The following NDRG2 variants were observed in gnomAD, a reference collection of about 807,000 sequenced individuals.
NDRG2 encodes the protein protein NDRG2.
In NDRG2, 34 loss-of-function variants were observed where a neutral mutation model predicts 58.2. The observed-to-expected ratio is 0.58, with a 90% confidence interval of 0.44 to 0.78. The LOEUF is 0.78. Ranked by LOEUF, NDRG2 falls within the 30% of genes least tolerant of loss-of-function variation. NDRG2 has a pLI of 0.00. For missense variants in NDRG2, 434 were observed against 471.2 expected (o/e 0.92, Z 0.73); for synonymous variants, 187 against 175.9 (o/e 1.06, Z -0.50).
At chr14:21,033,037 G>A (rs1472880474) in intron 1 of NDRG2, 1 of 452,064 alleles carries the variant, frequency 2.2e-6, no homozygotes, top group Non-Finnish European at 4.4e-6. Context: ...GATTTGGGAG[G>A]AGCTTCTGGA....
intron 1 of NDRG2, among the ~76,000 whole-genome samples, chr14:21,040,602 C>A (rs945798848): frequency 2.0e-5 from 3 of 152,186 alleles, no homozygotes; most frequent in Non-Finnish European, 2.9e-5. Context: ...TCAAATGGTC[C>A]GTAAGTCTTC....
intron 1 of NDRG2, among the ~76,000 whole-genome samples, chr14:21,047,651 G>A (rs1885252705): frequency 6.6e-6 from 1 of 152,240 alleles, no homozygotes; most frequent in Non-Finnish European, 1.5e-5. Context: ...CTGGGAGCTT[G>A]GAGAGAGGAG....
intron 1 of NDRG2, chr14:21,033,815 G>A: frequency 1.9e-6 from 3 of 1,589,178 alleles, no homozygotes; most frequent in Non-Finnish European, 2.6e-6. Flanking sequence ...AGTGGCTCAG[G>A]AATTAAATTC....
intron 1 of NDRG2, among the ~76,000 whole-genome samples, chr14:21,038,236 A>G (rs1253462750): frequency 6.6e-6 from 1 of 152,234 alleles, no homozygotes; most frequent in Non-Finnish European, 1.5e-5. Context: ...ATTCAGGAGC[A>G]GACGGAATGC....
upstream of NDRG2, among the ~76,000 whole-genome samples, chr14:21,029,990 A>G (rs1005862430): frequency 3.3e-5 from 5 of 152,214 alleles, no homozygotes; most frequent in Non-Finnish European, 7.3e-5. Flanking sequence ...GGCAGAGCAT[A>G]AGGCAATTTG....
chr14:21,054,135 G>A (rs1885580455), intron 1 of NDRG2, among the ~76,000 whole-genome samples: 1 of 152,218 alleles, frequency 6.6e-6, no homozygotes, highest in Non-Finnish European at 1.5e-5. Flanking sequence ...CTGACACAGT[G>A]TACAGAGTGT....
chr14:21,065,958 G>T (rs945448384), intron 1 of NDRG2, among the ~76,000 whole-genome samples: 1 of 152,188 alleles, frequency 6.6e-6, no homozygotes, highest in East Asian at 1.9e-4. Context: ...AATTAGCTGG[G>T]TGTGGTGGTG....
At chr14:21,040,226 C>T (rs2139107532) in intron 1 of NDRG2, among the ~76,000 whole-genome samples, 1 of 152,298 alleles carries the variant, frequency 6.6e-6, no homozygotes, top group South Asian at 2.1e-4. Context: ...GAGGACAAAC[C>T]AGAAGAGCCA....
Position 21,070,461 on chromosome 14 carries a change from C to T in NDRG2, c.24+367G>A. On this transcript the variant is annotated intron_variant, in intron 1 of 14. Transcript: ENST00000403829. The surrounding 1 kb of genome is among the most constrained non-coding windows in gnomAD (Gnocchi z 4.7). ...CCTTCGCGCAGCCCGCTCCGGGCCCCCAAGTCCTCAGCCTGGTGCCTCCCG... is the reference window on the plus strand; with the variant it reads ...CCTTCGCGCAGCCCGCTCCGGGCCCTCAAGTCCTCAGCCTGGTGCCTCCCG... 7.4e-7 allele frequency: 1 copy of T among 1,356,662 alleles called. No homozygotes were observed. Among genetic ancestry groups the T allele is most frequent in the South Asian group, 1.9e-5 (1 of 52,802 alleles). The allele number at this position is 1,356,662 out of a possible 1,614,324, so 84.0% of individuals were successfully genotyped here.
chr14:21,032,522 T>C (rs1884290893), intron 1 of NDRG2: 1 of 347,106 alleles, frequency 2.9e-6, no homozygotes, highest in Admixed American at 4.3e-5. Flanking sequence ...TCCACCTTCC[T>C]CATCTGTTGC....
upstream of NDRG2, chr14:21,025,787 A>T: frequency 3.6e-6 from 2 of 553,580 alleles, no homozygotes; most frequent in Non-Finnish European, 4.2e-6. This position sits in a 1 kb window ranked among gnomAD's most constrained non-coding sequence, Gnocchi z 5.1. Flanking sequence ...CTATAAATAG[A>T]GGGCGATCGC....
chr14:21,031,278 T>C (rs1476925911), intron 1 of NDRG2: 1 of 1,379,350 alleles, frequency 7.2e-7, no homozygotes, highest in Non-Finnish European at 9.7e-7. Flanking sequence ...CGAAACAGAC[T>C]TTAGAGATCA....
upstream of NDRG2, chr14:21,025,713 C>G (rs1043980645): frequency 6.4e-5 from 62 of 973,368 alleles, no homozygotes; most frequent in African/African-American, 1.0e-3. This position sits in a 1 kb window ranked among gnomAD's most constrained non-coding sequence, Gnocchi z 5.1. Context: ...GCCTGCTCTC[C>G]GGCTGCTCCG....
At chr14:21,033,332 G>C in intron 1 of NDRG2, 2 of 293,536 alleles carry the variant, frequency 6.8e-6, no homozygotes, top group Non-Finnish European at 1.3e-5. Context: ...CCTCAGGGAG[G>C]TTCCTATAGC....
Position 21,024,907 on chromosome 14 carries a change from C to G in NDRG2, c.-884G>C, listed in dbSNP as rs1032463830. 7.1e-6 allele frequency: 7 copies of G among 985,512 alleles called. No individual in the cohort carries two copies. The African/African-American group carries it at 8.7e-5, about 12-fold the overall frequency. 61.0% of individuals were successfully genotyped at this position (985,512 alleles called of 1,614,324 possible). On this transcript the variant is annotated 5_prime_UTR_variant, in exon 1 of 16. Transcript: ENST00000556147. ...CCTTTGTGCGCAGCAACCGAGCGCC[C>G]GCTCCGTGCTGGCCCTTTCCCCCGA...
rs1161520812 is a variant in NDRG2, at chr14:21,070,583, C to T, written c.24+245G>A. On this transcript the variant is annotated intron_variant, in intron 1 of 14. Coordinates refer to the NDRG2 transcript ENST00000403829. The surrounding 1 kb of genome is among the most constrained non-coding windows in gnomAD (Gnocchi z 4.7). Reference sequence around the variant, plus strand: ...CTGCCCGACTGTTTAGCTCTGTCCCCACCGGGTATTGCCCTCACCCTTTCT... The same window carrying T: ...CTGCCCGACTGTTTAGCTCTGTCCCTACCGGGTATTGCCCTCACCCTTTCT... 1.3e-5 allele frequency among the ~76,000 whole-genome samples: 2 copies of T among 152,106 alleles called. No homozygotes were observed. The highest frequency in any genetic ancestry group is 4.8e-5 in the African/African-American group (2 of 41,424).
intron 1 of NDRG2, chr14:21,043,163 C>T: frequency 6.2e-7 from 1 of 1,614,180 alleles, no homozygotes; most frequent in Non-Finnish European, 8.5e-7. Context: ...CCATGAAAAA[C>T]ATTAACAAGC....
chr14:21,030,459 C>G (rs112345474), upstream of NDRG2: 431 of 982,164 alleles, frequency 4.4e-4, 1 homozygote, highest in Non-Finnish European at 5.9e-4. Flanking sequence ...AAGAGGGGAG[C>G]TGTTCCTGTT....
At chr14:21,065,182 A>G (rs1886200264) in intron 1 of NDRG2, among the ~76,000 whole-genome samples, 1 of 148,544 alleles carries the variant, frequency 6.7e-6, no homozygotes, top group Non-Finnish European at 1.5e-5. Flanking sequence ...AAAAAAAAAA[A>G]CAAACAACAA....
Sources: gnomAD v4.1 joint callset for allele counts (sites outside exome capture counted in the v4.1 genomes callset) on GRCh38, gnomAD v4.1.1 for gene constraint, Gnocchi (gnomAD v3.1) non-coding constraint, MANE v1.5 for transcripts, NCBI Gene and HGNC (gene_info 2026-07-23, HGNC 2026-07-21) for gene names.